Variants in FAM83B observed in about 807,000 individuals in gnomAD.
FAM83B encodes scaffolding CK1 anchoring protein B.
In FAM83B, 26 loss-of-function variants were observed where a neutral mutation model predicts 38.8. That is an observed-to-expected ratio of 0.67 (90% confidence interval 0.49 to 0.93). FAM83B has a LOEUF of 0.93. FAM83B is among the 40% of genes least tolerant of loss of function. The pLI is 0.00. For synonymous variants in FAM83B, 419 were observed against 423.1 expected (o/e 0.99, Z 0.12); for missense variants, 1,237 against 1,197.3 (o/e 1.03, Z -0.49).
intron 2 of FAM83B, among the ~76,000 whole-genome samples, chr6:54,894,513 A>G (rs1772474087): frequency 6.6e-6 from 1 of 152,182 alleles, no homozygotes; most frequent in Non-Finnish European, 1.5e-5. Flanking sequence ...AAATAAGTCT[A>G]GTTTATGCAG....
At chr6:54,913,903 T>TAAA (rs948902729) in intron 2 of FAM83B, among the ~76,000 whole-genome samples, 215 of 151,544 alleles carry the variant, frequency 1.4e-3, no homozygotes, top group African/African-American at 4.1e-3. Context: ...CTTTTTTTTT[T>TAAA]AAAAAAAAGC....
chr6:54,933,252 A>T (rs920982842), intron 4 of FAM83B, among the ~76,000 whole-genome samples: 2 of 151,396 alleles, frequency 1.3e-5, no homozygotes, highest in Non-Finnish European at 2.9e-5. Context: ...CTTCTAATGA[A>T]TTATTCAGTT....
chr6:54,925,327 A>G (rs138186669), intron 2 of FAM83B, among the ~76,000 whole-genome samples: 3 of 152,078 alleles, frequency 2.0e-5, no homozygotes, highest in African/African-American at 4.8e-5. Context: ...ATTACTTATT[A>G]TGTCTTCCCC....
At chr6:54,852,534 A>T (rs544041048) in intron 1 of FAM83B, among the ~76,000 whole-genome samples, 29 of 152,126 alleles carry the variant, frequency 1.9e-4, no homozygotes, top group Non-Finnish European at 3.5e-4. Context: ...CACAGTATTG[A>T]AATTAGGCCA....
intron 1 of FAM83B, among the ~76,000 whole-genome samples, chr6:54,858,818 C>T (rs1229751618): frequency 6.6e-6 from 1 of 152,106 alleles, no homozygotes; most frequent in African/African-American, 2.4e-5. Flanking sequence ...TACCACCTTT[C>T]TTCTTCTGAC....
chr6:54,908,276 T>C (rs171226), intron 2 of FAM83B, among the ~76,000 whole-genome samples: 35,174 of 152,002 alleles, frequency 0.23, 5,116 homozygotes, highest in African/African-American at 0.42. Flanking sequence ...TCCTCTATTT[T>C]TTTATTAGAA....
intron 1 of FAM83B, among the ~76,000 whole-genome samples, chr6:54,852,101 T>TTTACAGAA: frequency 6.6e-6 from 1 of 152,332 alleles, no homozygotes; most frequent in African/African-American, 2.4e-5. Context: ...TCTTTATTTC[T>TTTACAGAA]GTCTGTCATC....
chr6:54,917,491 A>C (rs73431481), intron 2 of FAM83B, among the ~76,000 whole-genome samples: 1 of 152,066 alleles, frequency 6.6e-6, no homozygotes, highest in South Asian at 2.1e-4. Flanking sequence ...TCTCACTTTA[A>C]TGCATACCTA....
chr6:54,895,335 C>T (rs1246846138), intron 2 of FAM83B, among the ~76,000 whole-genome samples: 1 of 152,210 alleles, frequency 6.6e-6, no homozygotes, highest in Non-Finnish European at 1.5e-5. Flanking sequence ...AAGGTCTCCT[C>T]AGTCTTTATT....
chr6:54,871,599 C>T (rs986538928), intron 2 of FAM83B, among the ~76,000 whole-genome samples: 7 of 121,518 alleles, frequency 5.8e-5, no homozygotes, highest in African/African-American at 1.8e-4. Context: ...AATAATAAGC[C>T]GGATGTGGTG....
intron 4 of FAM83B, among the ~76,000 whole-genome samples, chr6:54,935,775 T>A (rs1773512574): frequency 6.6e-6 from 1 of 152,018 alleles, no homozygotes; most frequent in Non-Finnish European, 1.5e-5. Flanking sequence ...AGGGTGATAG[T>A]GGGATAGGAC....
intron 2 of FAM83B, among the ~76,000 whole-genome samples, chr6:54,906,932 C>T (rs1772788773): frequency 6.6e-6 from 1 of 151,948 alleles, no homozygotes; most frequent in Non-Finnish European, 1.5e-5. Context: ...TATTTGTGAA[C>T]CCTTTTGGTT....
chr6:54,861,302 C>T (rs1216079559), intron 1 of FAM83B, among the ~76,000 whole-genome samples: 1 of 152,206 alleles, frequency 6.6e-6, no homozygotes, highest in Non-Finnish European at 1.5e-5. Context: ...TATCTGTAAT[C>T]CCAGCACTTT....
chr6:54,888,184 C>T (rs961176156), intron 2 of FAM83B, among the ~76,000 whole-genome samples: 3 of 150,738 alleles, frequency 2.0e-5, no homozygotes, highest in African/African-American at 7.3e-5. Flanking sequence ...AGTACAAGGA[C>T]CTTTGAACAC....
In FAM83B at chr6:54,941,863, A is replaced by G. The variant is rs750472998; in HGVS notation, c.2892A>G (p.Lys964=). 1.9e-6 allele frequency: 3 copies of G among 1,614,162 alleles called. No homozygotes were observed. The part of the protein sequence containing the change: ...PNTSINRPEI[K]SATMGNSYGR... ...CCAGTATAAATCGCCCAGAAATAAA[A>G]TCTGCGACTATGGGCAACAGTTATG... is the stretch of plus-strand genomic sequence containing the variant. The change falls in exon 5 of 5, where the codon AAA becomes AAG. Residue 964 remains lysine, a synonymous_variant. Coordinates refer to ENST00000306858, the MANE Select transcript of FAM83B (RefSeq NM_001010872.3).
intron 4 of FAM83B, among the ~76,000 whole-genome samples, chr6:54,938,208 T>C (rs239797): frequency 0.24 from 35,981 of 152,140 alleles, 5,451 homozygotes; most frequent in African/African-American, 0.43. Flanking sequence ...TTTTGTTCCT[T>C]TTTATGGTTG....
At chr6:54,846,862 G>A (rs1771146932) in intron 1 of FAM83B, 36 bp downstream of exon 1, 2 of 152,318 alleles carry the variant, frequency 1.3e-5, no homozygotes, top group Admixed American at 6.5e-5. Context: ...CCCGGACCTC[G>A]GCGGACGGGA....
At chr6:54,932,734 T>G (rs1004809948) in intron 4 of FAM83B, among the ~76,000 whole-genome samples, 1 of 152,136 alleles carries the variant, frequency 6.6e-6, no homozygotes, top group Non-Finnish European at 1.5e-5. Context: ...TTTTGCTGGA[T>G]TTTTGGTGTT....
chr6:54,889,961 T>C (rs964095703), intron 2 of FAM83B, among the ~76,000 whole-genome samples: 1 of 152,066 alleles, frequency 6.6e-6, no homozygotes, highest in South Asian at 2.1e-4. Context: ...TTTTGATACT[T>C]ATAAGTTTTA....
Sources: allele counts gnomAD v4.1 joint callset (sites outside exome capture counted in the v4.1 genomes callset), GRCh38; gene constraint gnomAD v4.1.1; transcripts MANE v1.5; gene names NCBI Gene and HGNC (gene_info 2026-07-23, HGNC 2026-07-21).